GABRA2: variants seen among roughly 807,000 people sequenced by gnomAD.
The protein encoded by GABRA2 is gamma-aminobutyric acid type A receptor subunit alpha2.
In GABRA2, 16 loss-of-function variants were observed where a neutral mutation model predicts 48.7. That is an observed-to-expected ratio of 0.33 (90% confidence interval 0.22 to 0.50). The LOEUF (loss-of-function observed/expected upper bound fraction) is 0.50. Among genes scored for constraint, GABRA2 ranks in the 20% least tolerant of loss-of-function variants. GABRA2 has a pLI of 0.98. For synonymous variants in GABRA2, 185 were observed against 184.5 expected (o/e 1.00, Z -0.02); for missense variants, 275 against 535.6 (o/e 0.51, Z 4.80).
At chr4:46,377,493 G>A (rs1475598796) in intron 3 of GABRA2, among the ~76,000 whole-genome samples, 5 of 133,008 alleles carry the variant, frequency 3.8e-5, no homozygotes, top group Non-Finnish European at 5.1e-5. Context: ...GAGCCCCTCC[G>A]CCCAGCAACC....
chr4:46,332,651 G>T lies in GABRA2; in HGVS notation c.219C>A (p.Tyr73Ter). The stretch of plus-strand genomic sequence containing the variant: ...CTGAGACAGGGCCAAAACTGGTCAC[G>T]TAGATGTTAGTGAAGACTTCAGTAA... ...DSITEVFTNI[Y>*]VTSFGPVSDT... Residue 73 changes from tyrosine to a stop codon, truncating the protein, a stop_gained, in exon 4 of 10, where the codon TAC becomes TAA. Coordinates refer to ENST00000381620, the MANE Select transcript of GABRA2 (RefSeq NM_000807.4). LOFTEE classifies it high-confidence loss of function. 1 of 1,595,036 alleles carries T rather than the reference G, an allele frequency of 6.3e-7. No individual in the cohort carries two copies. The highest frequency in any genetic ancestry group is 8.6e-7 in the Non-Finnish European group (1 of 1,162,884).
intron 8 of GABRA2, among the ~76,000 whole-genome samples, chr4:46,282,363 T>C (rs1721696033): frequency 6.6e-6 from 1 of 152,154 alleles, no homozygotes; most frequent in South Asian, 2.1e-4. Flanking sequence ...GAATGGGACT[T>C]TGGGACGGGA....
intron 3 of GABRA2, among the ~76,000 whole-genome samples, chr4:46,360,217 T>A (rs1333080731): frequency 6.6e-6 from 1 of 152,206 alleles, no homozygotes; most frequent in Non-Finnish European, 1.5e-5. Context: ...ATTAAATGTT[T>A]AATTTTTGTA....
At chr4:46,390,185 GCC>G (rs1293559874), upstream of GABRA2, 1 of 87,956 alleles carries the variant, frequency 1.1e-5, no homozygotes, top group African/African-American at 5.5e-5. Flanking sequence ...GGAAGGCAGG[GCC>G]CCCCCTCCCC....
In GABRA2 at chr4:46,247,546, AT is replaced by A. The variant is rs1279497494; in HGVS notation, c.*2761del. Reference sequence around the variant, plus strand: ...AGTAGCTATAAAATAATGAGATTATATCTCTATATATGTACATGTATTTATC... The same window carrying A: ...AGTAGCTATAAAATAATGAGATTATACTCTATATATGTACATGTATTTATC... On this transcript the variant is annotated 3_prime_UTR_variant, in exon 10 of 10. Coordinates refer to ENST00000381620, the MANE Select transcript of GABRA2 (RefSeq NM_000807.4). Among the ~76,000 whole-genome samples, 4 of 151,106 alleles carry A rather than the reference AT, an allele frequency of 2.6e-5. No individual in the cohort carries two copies. The Admixed American group carries it at 2.7e-4, about 10-fold the overall frequency.
chr4:46,266,723 T>A (rs1718322647), intron 8 of GABRA2, among the ~76,000 whole-genome samples: 1 of 141,126 alleles, frequency 7.1e-6, no homozygotes. Flanking sequence ...ATTCTCTTTT[T>A]TTTTTTTTTT....
At chr4:46,312,094 G>A (rs141460585) in intron 5 of GABRA2, among the ~76,000 whole-genome samples, 10 of 152,102 alleles carry the variant, frequency 6.6e-5, no homozygotes, top group South Asian at 2.1e-4. Context: ...GCAAGTCTCC[G>A]CCTCAATAAA....
intron 4 of GABRA2, among the ~76,000 whole-genome samples, chr4:46,315,331 T>C (rs1166783171): frequency 6.6e-6 from 1 of 152,030 alleles, no homozygotes; most frequent in Non-Finnish European, 1.5e-5. Flanking sequence ...TTAATGAGGT[T>C]GTTTGGTTTT....
At chr4:46,389,670 G>A in intron 1 of GABRA2, 65 bp downstream of exon 1, 1 of 895,508 alleles carries the variant, frequency 1.1e-6, no homozygotes, top group Non-Finnish European at 1.3e-6. Context: ...GGGAGATGAG[G>A]CATGCACGCG....
chr4:46,362,182 G>C (rs1713314494), intron 3 of GABRA2, among the ~76,000 whole-genome samples: 1 of 152,090 alleles, frequency 6.6e-6, no homozygotes, highest in Non-Finnish European at 1.5e-5. Flanking sequence ...TGGTTTGGCT[G>C]TATAGGAGGA....
In GABRA2 at chr4:46,249,012, G is replaced by A. The variant is rs1281957507; in HGVS notation, c.*1296C>T. 7.4e-6 allele frequency: 1 copy of A among 135,590 alleles called. No homozygotes were observed. Among genetic ancestry groups the A allele is most frequent in the African/African-American group, 2.7e-5 (1 of 37,538 alleles). 8.4% of individuals were successfully genotyped at this position (135,590 alleles called of 1,614,324 possible). A position where few individuals can be genotyped will look rare whatever the true frequency, so the allele number is the denominator to read the frequency against. ...TAGTAATTATATAAAATTTAAAATT[G>A]TGTTTTCTAATTTAGCTGTGTATGT... On this transcript the variant is annotated 3_prime_UTR_variant, in exon 10 of 10. Coordinates refer to ENST00000381620, the MANE Select transcript of GABRA2 (RefSeq NM_000807.4).
At chr4:46,348,938 TAA>T (rs35519062) in intron 3 of GABRA2, among the ~76,000 whole-genome samples, 6 of 151,018 alleles carry the variant, frequency 4.0e-5, no homozygotes, top group African/African-American at 1.5e-4. Context: ...TAATAAAATT[TAA>T]AAAAAAAGAA....
At chr4:46,334,855 A>G (rs1731940215) in intron 3 of GABRA2, among the ~76,000 whole-genome samples, 1 of 152,182 alleles carries the variant, frequency 6.6e-6, no homozygotes, top group Admixed American at 6.5e-5. Context: ...TTGTCCTGCT[A>G]TGGAAGTTCC....
At chr4:46,298,161 T>G (rs2109588424) in intron 8 of GABRA2, among the ~76,000 whole-genome samples, 1 of 152,232 alleles carries the variant, frequency 6.6e-6, no homozygotes, top group East Asian at 1.9e-4. Flanking sequence ...ATCAGTTCTA[T>G]TCTAACAAAT....
At chr4:46,274,780 T>C (rs548527465) in intron 8 of GABRA2, among the ~76,000 whole-genome samples, 17 of 152,198 alleles carry the variant, frequency 1.1e-4, no homozygotes, top group African/African-American at 4.1e-4. Context: ...ATTCCAAAGA[T>C]TAAATGATGT....
chr4:46,276,678 T>A (rs1023882393), intron 8 of GABRA2, among the ~76,000 whole-genome samples: 5 of 151,432 alleles, frequency 3.3e-5, no homozygotes, highest in African/African-American at 4.9e-5. Context: ...GTCAGGGAGA[T>A]CTAATGTCAA....
At chr4:46,354,050 C>G (rs748066082) in intron 3 of GABRA2, among the ~76,000 whole-genome samples, 37 of 152,092 alleles carry the variant, frequency 2.4e-4, no homozygotes, top group Admixed American at 5.9e-4. Context: ...AAATAGTGTC[C>G]TTTACTGACT....
intron 9 of GABRA2, 165 bp downstream of exon 9, chr4:46,261,761 A>G: frequency 1.5e-6 from 1 of 656,446 alleles, no homozygotes; most frequent in Non-Finnish European, 2.6e-6. Flanking sequence ...GTACTACAAG[A>G]ACTCCTAAAG....
intron 9 of GABRA2, among the ~76,000 whole-genome samples, chr4:46,253,511 A>C (rs943607275): frequency 4.6e-5 from 7 of 151,492 alleles, no homozygotes; most frequent in African/African-American, 1.2e-4. Flanking sequence ...TGCAATTTTT[A>C]TTGACAGCTA....
Sources: gnomAD v4.1 joint callset for allele counts (sites outside exome capture counted in the v4.1 genomes callset) on GRCh38, gnomAD v4.1.1 for gene constraint, MANE v1.5 for transcripts, NCBI Gene and HGNC (gene_info 2026-07-23, HGNC 2026-07-21) for gene names.